The following GULP1 variants were observed in gnomAD, a reference collection of about 807,000 sequenced individuals.
GULP1 encodes the protein GULP PTB domain containing engulfment adaptor 1.
GULP1 carries 19 observed loss-of-function variants against 40.9 expected under a neutral mutation model. The observed-to-expected ratio is 0.46, with a 90% confidence interval of 0.32 to 0.68. The LOEUF (loss-of-function observed/expected upper bound fraction) is 0.68, where lower values mean the gene tolerates loss of function less well. Among genes scored for constraint, GULP1 ranks in the 30% least tolerant of loss-of-function variants. GULP1 has a pLI of 0.03. For synonymous variants in GULP1, 119 were observed against 117.6 expected, an observed-to-expected ratio of 1.01 and a Z score of -0.08; for missense variants, 312 against 362.2, an observed-to-expected ratio of 0.86 and a Z score of 1.12.
At chr2:188,326,208 T>G (rs538677524) in intron 1 of GULP1, among the ~76,000 whole-genome samples, 2 of 152,226 alleles carry the variant, frequency 1.3e-5, no homozygotes, top group South Asian at 4.1e-4. Flanking sequence ...TTATGCATAT[T>G]AAGTCCAGAT....
At chr2:188,359,045 G>A (rs2045745649) in intron 1 of GULP1, among the ~76,000 whole-genome samples, 1 of 151,824 alleles carries the variant, frequency 6.6e-6, no homozygotes, top group South Asian at 2.1e-4. Context: ...TTATAATAAG[G>A]CAATTATAAT....
intron 1 of GULP1, among the ~76,000 whole-genome samples, chr2:188,300,897 T>C (rs951763280): frequency 2.6e-5 from 4 of 152,210 alleles, no homozygotes; most frequent in African/African-American, 9.6e-5. Flanking sequence ...AAGAAATAAC[T>C]GTCTTTCAGT....
At chr2:188,589,754 G>A in intron 11 of GULP1, 1 of 1,372,550 alleles carries the variant, frequency 7.3e-7, no homozygotes. Flanking sequence ...AGAGATGGTT[G>A]GTATATTATT....
At chr2:188,411,918 G>A (rs1378977054) in intron 2 of GULP1, among the ~76,000 whole-genome samples, 1 of 152,158 alleles carries the variant, frequency 6.6e-6, no homozygotes, top group African/African-American at 2.4e-5. Flanking sequence ...TGGCATCTGT[G>A]TATTGTGCAG....
chr2:188,414,229 A>G (rs1474355400), intron 2 of GULP1, among the ~76,000 whole-genome samples: 1 of 148,728 alleles, frequency 6.7e-6, no homozygotes, highest in Non-Finnish European at 1.5e-5. Context: ...AAAAAAAAAA[A>G]AAAAAAAGAA....
intron 1 of GULP1, among the ~76,000 whole-genome samples, chr2:188,338,279 A>AT (rs202235413): frequency 0.024 from 3,338 of 138,514 alleles, 120 homozygotes; most frequent in African/African-American, 0.073. Context: ...GGGGAAAACA[A>AT]TTTTTTTTTT....
At chr2:188,472,202 T>C (rs1163306515) in intron 2 of GULP1, among the ~76,000 whole-genome samples, 1 of 152,162 alleles carries the variant, frequency 6.6e-6, no homozygotes, top group African/African-American at 2.4e-5. Context: ...TAGCATCTTT[T>C]CTTTATCCTT....
At chr2:188,397,934 G>C (rs1379522460) in intron 2 of GULP1, among the ~76,000 whole-genome samples, 1 of 152,120 alleles carries the variant, frequency 6.6e-6, no homozygotes, top group Non-Finnish European at 1.5e-5. Context: ...TTGAATGTTG[G>C]CTTCCAAAAA....
At chr2:188,343,890 C>T (rs2043287121) in intron 1 of GULP1, among the ~76,000 whole-genome samples, 1 of 152,138 alleles carries the variant, frequency 6.6e-6, no homozygotes, top group South Asian at 2.1e-4. Flanking sequence ...ACAACCTTCA[C>T]CTCCCAGGTT....
chr2:188,438,118 G>A (rs1380219668), intron 2 of GULP1, among the ~76,000 whole-genome samples: 1 of 151,872 alleles, frequency 6.6e-6, no homozygotes, highest in African/African-American at 2.4e-5. Context: ...AAATACAAAC[G>A]CAGTGATGGG....
chr2:188,336,862 G>A (rs2042318282), intron 1 of GULP1, among the ~76,000 whole-genome samples: 2 of 152,128 alleles, frequency 1.3e-5, no homozygotes, highest in South Asian at 4.1e-4. Flanking sequence ...TCTAGATCAT[G>A]GACTTATAGT....
chr2:188,347,102 T>G (rs1329244742), intron 1 of GULP1, among the ~76,000 whole-genome samples: 1 of 152,158 alleles, frequency 6.6e-6, no homozygotes, highest in Non-Finnish European at 1.5e-5. Flanking sequence ...TTGCTATTAT[T>G]TTATCACAAA....
At chr2:188,381,206 C>G (rs1254450862) in intron 1 of GULP1, among the ~76,000 whole-genome samples, 1 of 152,046 alleles carries the variant, frequency 6.6e-6, no homozygotes, top group East Asian at 1.9e-4. Flanking sequence ...AATAATAGAT[C>G]CCATTTGGAA....
intron 6 of GULP1, 103 bp downstream of exon 6, chr2:188,529,298 T>C: frequency 1.7e-6 from 1 of 598,634 alleles, no homozygotes; most frequent in Non-Finnish European, 2.9e-6. Flanking sequence ...AACTGTTTAG[T>C]TCTGAGTTAA....
At position 188,555,654 on chromosome 2, in the gene GULP1, T is replaced by C. The variant is rs1226513148; in HGVS notation, c.400-13585T>C. Among the ~76,000 whole-genome samples the C allele has an allele frequency of 2.6e-5, 4 of 152,340 alleles. No homozygotes were observed. The East Asian group carries it at 7.7e-4, about 29-fold the overall frequency. On this transcript the variant is annotated intron_variant, in intron 7 of 11. Transcript: ENST00000409830. ...GTTTTTATAATTCTTTATCTTTGAC[T>C]TTAGATAGTCTGAGTATAATGTGCG...
chr2:188,319,269 C>T (rs1426702378), intron 1 of GULP1, among the ~76,000 whole-genome samples: 1 of 147,844 alleles, frequency 6.8e-6, no homozygotes, highest in Non-Finnish European at 1.5e-5. Flanking sequence ...AAGATTCAAA[C>T]ACAAGACAGA....
At chr2:188,365,415 T>C (rs985143470) in intron 1 of GULP1, among the ~76,000 whole-genome samples, 7 of 152,228 alleles carry the variant, frequency 4.6e-5, no homozygotes, top group Non-Finnish European at 7.3e-5. Context: ...TGTATGACTG[T>C]TTTTGTGCCT....
intron 2 of GULP1, among the ~76,000 whole-genome samples, chr2:188,401,298 T>C (rs938701766): frequency 3.9e-5 from 6 of 152,168 alleles, no homozygotes; most frequent in Admixed American, 1.3e-4. Context: ...GACACAGCTG[T>C]ATCTATAGTA....
At chr2:188,540,440 G>T (rs936784034) in intron 6 of GULP1, among the ~76,000 whole-genome samples, 2 of 151,538 alleles carry the variant, frequency 1.3e-5, no homozygotes, top group Non-Finnish European at 1.5e-5. Flanking sequence ...TTTAATATGT[G>T]TGTGTGTGTG....
Sources: gnomAD v4.1 joint callset for allele counts (sites outside exome capture counted in the v4.1 genomes callset) on GRCh38, gnomAD v4.1.1 for gene constraint, MANE v1.5 for transcripts, NCBI Gene and HGNC (gene_info 2026-07-23, HGNC 2026-07-21) for gene names.